Variants in TMEM182 observed in about 807,000 individuals in gnomAD.
The protein encoded by TMEM182 is transmembrane protein 182.
Under a neutral mutation model 26.8 loss-of-function variants are expected in TMEM182, and 20 were observed. That is an observed-to-expected ratio of 0.75 (90% confidence interval 0.53 to 1.09). TMEM182 has a LOEUF of 1.09. Ranked by LOEUF, TMEM182 falls within the 50% of genes least tolerant of loss-of-function variation. The probability of loss-of-function intolerance (pLI) is 0.00; values close to 1 mark genes in which losing one functional copy is unlikely to be tolerated. For synonymous variants in TMEM182, 109 were observed against 102.2 expected (o/e 1.07, Z -0.40); for missense variants, 277 against 275.5 (o/e 1.01, Z -0.04).
chr2:102,758,772 A>G (rs1680121267), upstream of TMEM182, among the ~76,000 whole-genome samples: 1 of 152,234 alleles, frequency 6.6e-6, no homozygotes, highest in Non-Finnish European at 1.5e-5. Context: ...TTATCAAGCT[A>G]AAATGGCTCA....
intron 3 of TMEM182, among the ~76,000 whole-genome samples, chr2:102,822,930 C>T (rs1682956733): frequency 6.6e-6 from 1 of 152,100 alleles, no homozygotes; most frequent in Admixed American, 6.5e-5. Context: ...AAGAACCAAC[C>T]AACCAAACAA....
At position 102,828,339 on chromosome 2, in the gene TMEM182, T is replaced by G. The variant is rs115615277; in HGVS notation, c.326-15073T>G. ...GCTAGCACGTAAGGGAAATTGGGCA[T>G]GGAGACACTGTTTCTACTCAGGGCT... On this transcript the variant is annotated intron_variant, in intron 3 of 3. Transcript: ENST00000486293. Among the ~76,000 whole-genome samples, 489 of 152,276 alleles carry G rather than the reference T, an allele frequency of 3.2e-3. 3 individuals carry two copies. Among genetic ancestry groups the G allele is most frequent in the African/African-American group, 0.011 (475 of 41,574 alleles).
At chr2:102,809,020 AC>A (rs552360041) in intron 4 of TMEM182, among the ~76,000 whole-genome samples, 159 of 152,304 alleles carry the variant, frequency 1.0e-3, no homozygotes, top group African/African-American at 3.7e-3. Flanking sequence ...CAAATCTTAC[AC>A]TTGAAATCTG....
intron 4 of TMEM182, among the ~76,000 whole-genome samples, chr2:102,810,347 C>T (rs993328404): frequency 6.6e-6 from 1 of 152,080 alleles, no homozygotes; most frequent in Admixed American, 6.6e-5. Context: ...TGAGGATATA[C>T]AATTTTATGT....
chr2:102,771,282 A>G (rs1680658300), intron 3 of TMEM182, among the ~76,000 whole-genome samples: 1 of 152,210 alleles, frequency 6.6e-6, no homozygotes, highest in African/African-American at 2.4e-5. Context: ...TCACACAGCC[A>G]TCACCACAGA....
At chr2:102,764,988 A>T (rs1680368601) in intron 3 of TMEM182, among the ~76,000 whole-genome samples, 1 of 152,082 alleles carries the variant, frequency 6.6e-6, no homozygotes. Flanking sequence ...ATTTGTAATA[A>T]CTTGCTAAGG....
rs140207028 is a variant in TMEM182, at chr2:102,814,399, G to A, written c.470-349G>A. Among the ~76,000 whole-genome samples, 4 of 151,682 alleles carry A rather than the reference G, an allele frequency of 2.6e-5. No individual in the cohort carries two copies. The East Asian group carries it at 7.8e-4, about 29-fold the overall frequency. ...GTATAGTGCTCATCCCAAACCATTT[G>A]TGCAGTAAAAAAGAAAAAAAAAAGT... On this transcript the variant is annotated intron_variant, in intron 4 of 4. Transcript: ENST00000412401.
At chr2:102,824,197 GTAAATGAC>G (rs1299302283) in intron 3 of TMEM182, among the ~76,000 whole-genome samples, 1 of 152,184 alleles carries the variant, frequency 6.6e-6, no homozygotes, top group East Asian at 1.9e-4. Flanking sequence ...CTACATCACA[GTAAATGAC>G]TATATCTTAT....
chr2:102,788,399 G>A (rs1006445913), intron 3 of TMEM182, among the ~76,000 whole-genome samples: 2 of 152,132 alleles, frequency 1.3e-5, no homozygotes, highest in Admixed American at 1.3e-4. Context: ...TGGAGATTTG[G>A]CCCTGTGTGC....
chr2:102,792,906 G>A (rs1211754170), intron 3 of TMEM182, among the ~76,000 whole-genome samples: 9 of 152,150 alleles, frequency 5.9e-5, no homozygotes, highest in Non-Finnish European at 1.3e-4. Flanking sequence ...GCATTCTGGG[G>A]CGCATTTTTT....
At position 102,797,830 on chromosome 2, in the gene TMEM182, C is replaced by T. The variant is rs764762272; in HGVS notation, c.332-33C>T. The T allele has an allele frequency of 3.8e-6, 6 of 1,589,704 alleles. No homozygotes were observed. The Admixed American group carries it at 5.7e-5, about 15-fold the overall frequency. On this transcript the variant is annotated intron_variant, in intron 3 of 4. Transcript: ENST00000412401. The stretch of plus-strand genomic sequence containing the variant: ...GTGTACACAATCTAAGTGTATTTTT[C>T]TTTCTTTTCTCTTTTCCTCCTGGGG...
At chr2:102,814,667 C>A in intron 4 of TMEM182, 81 bp from the exon 5 acceptor site, 2 of 1,266,804 alleles carry the variant, frequency 1.6e-6, no homozygotes, top group Non-Finnish European at 2.2e-6. Context: ...AGCTTGTCAT[C>A]CGGTCAATGA....
intron 4 of TMEM182, among the ~76,000 whole-genome samples, chr2:102,802,491 A>G (rs892769671): frequency 2.0e-5 from 3 of 152,224 alleles, no homozygotes; most frequent in Non-Finnish European, 4.4e-5. Context: ...CCTGTGTTTC[A>G]GCAAGTGATC....
At chr2:102,829,665 C>A (rs1683115126) in intron 3 of TMEM182, among the ~76,000 whole-genome samples, 2 of 152,136 alleles carry the variant, frequency 1.3e-5, no homozygotes, top group Admixed American at 1.3e-4. Context: ...GCCTCCCACA[C>A]AGAGAGTATA....
intron 3 of TMEM182, chr2:102,834,524 C>A: frequency 2.7e-6 from 2 of 753,354 alleles, no homozygotes; most frequent in Non-Finnish European, 3.2e-6. Flanking sequence ...TATAGGTGAG[C>A]CTTGGGAGGT....
Position 102,803,713 on chromosome 2 carries a change from C to T in TMEM182, c.469+5713C>T, listed in dbSNP as rs553444263. Among the ~76,000 whole-genome samples, 124 of 152,296 alleles carry T rather than the reference C, an allele frequency of 8.1e-4. 1 individual carries two copies. The highest frequency in any genetic ancestry group is 1.1e-3 in the Non-Finnish European group (78 of 68,034). Reference sequence around the variant, plus strand: ...TTTGGCTGAGGCTGAACATGTTGCTCGCAGAGGCTCCTCATGTTTTCCTCC... The same window carrying T: ...TTTGGCTGAGGCTGAACATGTTGCTTGCAGAGGCTCCTCATGTTTTCCTCC... On this transcript the variant is annotated intron_variant, in intron 4 of 4. Transcript: ENST00000412401.
downstream of TMEM182, among the ~76,000 whole-genome samples, chr2:102,820,549 T>C (rs1682898699): frequency 6.6e-6 from 1 of 152,210 alleles, no homozygotes; most frequent in South Asian, 2.1e-4. Flanking sequence ...GAGAAATTCT[T>C]TCTAAGGCAA....
At chr2:102,771,799 GC>G in intron 3 of TMEM182, among the ~76,000 whole-genome samples, 1 of 152,214 alleles carries the variant, frequency 6.6e-6, no homozygotes, top group South Asian at 2.1e-4. Flanking sequence ...GACATTGTGG[GC>G]CAGATAATTC....
At chr2:102,828,643 T>A (rs1394405063) in intron 3 of TMEM182, among the ~76,000 whole-genome samples, 1 of 152,136 alleles carries the variant, frequency 6.6e-6, no homozygotes, top group Non-Finnish European at 1.5e-5. Flanking sequence ...TGCCCATGAT[T>A]TCTGGGGCCC....
Sources: allele counts gnomAD v4.1 joint callset (sites outside exome capture counted in the v4.1 genomes callset), GRCh38; gene constraint gnomAD v4.1.1; transcripts MANE v1.5; gene names NCBI Gene and HGNC (gene_info 2026-07-23, HGNC 2026-07-21).